The following SSH1 variants were observed in gnomAD, a reference collection of about 807,000 sequenced individuals.
SSH1 encodes the protein protein phosphatase Slingshot homolog 1.
A neutral mutation model predicts 79.7 loss-of-function variants in SSH1; 43 were observed. The ratio of observed to expected loss-of-function variants is 0.54; its 90% CI spans 0.42 to 0.70. The LOEUF (loss-of-function observed/expected upper bound fraction) is 0.70. Ranked by LOEUF, SSH1 falls within the 30% of genes least tolerant of loss-of-function variation. The pLI, the probability that SSH1 is intolerant of heterozygous loss-of-function variation, is 0.00. For missense variants in SSH1, 1,206 were observed against 1,358.8 expected (o/e 0.89, Z 1.77); for synonymous variants, 599 against 538.3 (o/e 1.11, Z -1.56).
intron 2 of SSH1, among the ~76,000 whole-genome samples, chr12:108,831,568 C>T (rs952440990): frequency 6.6e-6 from 1 of 152,078 alleles, no homozygotes; most frequent in Non-Finnish European, 1.5e-5. Context: ...GCAGCAAGTT[C>T]CACGGTGGAA....
At chr12:108,845,414 A>C (rs1007516172) in intron 2 of SSH1, among the ~76,000 whole-genome samples, 2 of 151,362 alleles carry the variant, frequency 1.3e-5, no homozygotes, top group Non-Finnish European at 3.0e-5. Context: ...CTGGCCAGGC[A>C]TGATGGCTCA....
intron 12 of SSH1, 106 bp downstream of exon 12, chr12:108,800,674 C>A (rs951605537): frequency 1.1e-5 from 3 of 276,122 alleles, no homozygotes; most frequent in Admixed American, 4.2e-5. Context: ...CCGTTAGGAT[C>A]CCCCCTCCCA....
At position 108,808,074 on chromosome 12, in the gene SSH1, A is replaced by G. The variant is rs193089318; in HGVS notation, c.537-247T>C. Among the ~76,000 whole-genome samples, 1,011 of 152,176 alleles carry G rather than the reference A, an allele frequency of 6.6e-3. 15 individuals are homozygous for G. Among genetic ancestry groups the G allele is most frequent in the African/African-American group, 0.023 (958 of 41,526 alleles). ...TGCATCAGCCTCCCGAGCAGCTGGG[A>G]CCACAGGCGCCCACCACCACGCCCA... On this transcript the variant is annotated intron_variant, in intron 7 of 14. Coordinates refer to ENST00000326495, the MANE Select transcript of SSH1 (RefSeq NM_018984.4).
chr12:108,851,299 G>C (rs150499702), intron 2 of SSH1, among the ~76,000 whole-genome samples: 6 of 152,254 alleles, frequency 3.9e-5, no homozygotes, highest in African/African-American at 9.6e-5. Context: ...CAAGCACACA[G>C]AAACATCGGA....
chr12:108,803,366 A>G (rs2037109885), intron 10 of SSH1, among the ~76,000 whole-genome samples: 1 of 150,046 alleles, frequency 6.7e-6, no homozygotes, highest in East Asian at 1.9e-4. Context: ...GAACGGGGGA[A>G]AAAAAAAAAG....
chr12:108,805,637 T>C (rs975049118), intron 9 of SSH1, among the ~76,000 whole-genome samples: 7 of 151,766 alleles, frequency 4.6e-5, no homozygotes, highest in African/African-American at 1.7e-4. Context: ...GGTGGGAGGA[T>C]TGCTTGAGGC....
At chr12:108,813,776 A>C (rs2037748996) in intron 5 of SSH1, among the ~76,000 whole-genome samples, 2 of 132,406 alleles carry the variant, frequency 1.5e-5, no homozygotes, top group African/African-American at 2.8e-5. Context: ...GGGGAAGGGA[A>C]GGGAAGGGGA....
intron 2 of SSH1, chr12:108,826,326 G>A (rs925644447): frequency 2.8e-6 from 1 of 354,548 alleles, no homozygotes; most frequent in East Asian, 7.7e-5. Context: ...CTCTACGCAT[G>A]AAGTCAGGAT....
intron 2 of SSH1, among the ~76,000 whole-genome samples, chr12:108,843,675 C>G (rs553462177): frequency 1.2e-4 from 19 of 152,174 alleles, no homozygotes; most frequent in South Asian, 2.1e-4. Context: ...GCTGGGATTA[C>G]AGGCACGCGC....
In SSH1 at chr12:108,789,167, G is replaced by A; in HGVS notation, c.1971C>T (p.Ala657=). 6.2e-7 allele frequency: 1 copy of A among 1,612,234 alleles called. No individual in the cohort carries two copies. The highest frequency in any genetic ancestry group is 8.5e-7 in the Non-Finnish European group (1 of 1,179,076). The change falls in exon 15 of 15, where the codon GCC becomes GCT. Residue 657 remains alanine (A), a synonymous_variant. Transcript: ENST00000326495. ...CCCTGGAGGCCTCAGGAGCCCCGCT[G>A]GCTGTAGGGTACATGCAGTCGGCAC... is the stretch of plus-strand genomic sequence containing the variant. ...KSCADCMYPT[A]SGAPEASRER... is the part of the protein sequence containing the mutation.
Position 108,821,395 on chromosome 12 carries a change from A to G in SSH1, c.214+1863T>C, listed in dbSNP as rs932939438. ...GGCAAGAGAATGAGATCCGTCTCTA[A>G]AAAAACTTTTCATATAATTAAAAAA... is the stretch of plus-strand genomic sequence containing the variant. On this transcript the variant is annotated intron_variant, in intron 3 of 14. Transcript: ENST00000326495. Among the ~76,000 whole-genome samples, 10 of 152,220 alleles carry G rather than the reference A, an allele frequency of 6.6e-5. 1 individual carries two copies. The highest frequency in any genetic ancestry group is 6.5e-4 in the Admixed American group (10 of 15,290).
chr12:108,797,619 A>T (rs2036810018), intron 13 of SSH1, among the ~76,000 whole-genome samples: 1 of 152,228 alleles, frequency 6.6e-6, no homozygotes, highest in South Asian at 2.1e-4. Context: ...CGTCAGGAAG[A>T]AGTGCCTGGA....
At chr12:108,813,999 GGATC>G (rs769982095) in intron 5 of SSH1, among the ~76,000 whole-genome samples, 117 of 152,232 alleles carry the variant, frequency 7.7e-4, no homozygotes, top group Admixed American at 1.8e-3. Context: ...CGAGGAGGGT[GGATC>G]ACTTGAGGTC....
chr12:108,849,610 G>A (rs574541872), intron 2 of SSH1, among the ~76,000 whole-genome samples: 2 of 151,508 alleles, frequency 1.3e-5, no homozygotes, highest in East Asian at 3.9e-4. Flanking sequence ...AATGAGAAAG[G>A]TCCACATACA....
chr12:108,792,375 C>T lies in SSH1; in HGVS notation c.1804G>A (p.Gly602Arg), dbSNP rs773909455. Reference sequence around the variant, plus strand: ...TGATCGAGCTGGGTTGGAAGCTGCCCCCACCTCCCTGCTCCCAGGCCCTCC... The same window carrying T: ...TGATCGAGCTGGGTTGGAAGCTGCCTCCACCTCCCTGCTCCCAGGCCCTCC... Reference protein sequence around the residue: ...REEGLGAGRWGQLPTQLDQNL... With the variant: ...REEGLGAGRWRQLPTQLDQNL... Residue 602 changes from glycine to arginine, a missense_variant, in exon 14 of 15, where the codon GGG (glycine) becomes AGG (arginine). Around this residue, in one of 5 missense-constraint regions of SSH1, gnomAD observed 709 missense variants for 730.6 expected, o/e 0.97. Coordinates refer to ENST00000326495, the MANE Select transcript of SSH1 (RefSeq NM_018984.4). 107 of 1,614,054 alleles carry T rather than the reference C, an allele frequency of 6.6e-5. No individual in the cohort carries two copies. The highest frequency in any genetic ancestry group is 8.6e-5 in the Non-Finnish European group (102 of 1,180,040).
intron 1 of SSH1, among the ~76,000 whole-genome samples, chr12:108,855,056 A>T (rs1196516572): frequency 6.6e-6 from 1 of 152,244 alleles, no homozygotes; most frequent in Non-Finnish European, 1.5e-5. Context: ...ACTTGGTAAA[A>T]ATAATGCTTT....
chr12:108,851,233 A>G (rs1169635419), intron 2 of SSH1, among the ~76,000 whole-genome samples: 1 of 152,112 alleles, frequency 6.6e-6, no homozygotes, highest in Non-Finnish European at 1.5e-5. Context: ...CTACCCACAT[A>G]ATCTTTAGAA....
At chr12:108,803,060 T>A (rs1000659427) in intron 10 of SSH1, among the ~76,000 whole-genome samples, 3 of 133,606 alleles carry the variant, frequency 2.2e-5, no homozygotes, top group Admixed American at 7.2e-5. Context: ...GGAAAAAAAA[T>A]TTTAAGAGAG....
At position 108,786,456 on chromosome 12, in the gene SSH1, C is replaced by A. The variant is rs2036277352; in HGVS notation, c.*1532G>T. The A allele has an allele frequency of 6.6e-6, 1 of 152,248 alleles. No individual in the cohort carries two copies. Among genetic ancestry groups the A allele is most frequent in the African/African-American group, 2.4e-5 (1 of 41,446 alleles). The allele number at this position is 152,248 out of a possible 1,614,324, so 9.4% of individuals were successfully genotyped here. A position where few individuals can be genotyped will look rare whatever the true frequency, so the allele number is the denominator to read the frequency against. On this transcript the variant is annotated 3_prime_UTR_variant, in exon 15 of 15. Coordinates refer to ENST00000326495, the MANE Select transcript of SSH1 (RefSeq NM_018984.4). Reference sequence around the variant, plus strand: ...TTTCTTCCTACAGGGCCATGAGCAGCCCTGTGTGGCAAATCAAACCAGGGG... The same window carrying A: ...TTTCTTCCTACAGGGCCATGAGCAGACCTGTGTGGCAAATCAAACCAGGGG...
Sources: allele counts gnomAD v4.1 joint callset (sites outside exome capture counted in the v4.1 genomes callset), GRCh38; gene constraint gnomAD v4.1.1; regional missense constraint gnomAD v4.1.1; transcripts MANE v1.5; gene names NCBI Gene and HGNC (gene_info 2026-07-23, HGNC 2026-07-21).